HECTD2: variants seen among roughly 807,000 people sequenced by gnomAD.
The protein encoded by HECTD2 is HECT domain E3 ubiquitin protein ligase 2.
A neutral mutation model predicts 103.2 loss-of-function variants in HECTD2; 35 were observed. The observed-to-expected ratio is 0.34, with a 90% CI of 0.26 to 0.45. The LOEUF (loss-of-function observed/expected upper bound fraction) is 0.45. Among genes scored for constraint, HECTD2 ranks in the 20% least tolerant of loss-of-function variants. HECTD2 has a pLI of 1.00. For missense variants in HECTD2, 596 were observed against 937.4 expected (o/e 0.64, Z 4.76); for synonymous variants, 281 against 329.9 (o/e 0.85, Z 1.61).
intron 6 of HECTD2, 148 bp from the exon 7 acceptor site, chr10:91,480,946 T>C (rs947297637): frequency 1.6e-5 from 9 of 548,448 alleles, no homozygotes; most frequent in African/African-American, 6.1e-5. Context: ...TTCAGCATAT[T>C]ATGGACTGTC....
intron 12 of HECTD2, 52 bp downstream of exon 12, chr10:91,491,359 G>A: frequency 3.6e-6 from 3 of 830,174 alleles, no homozygotes; most frequent in Admixed American, 2.6e-5. Context: ...TCTATAATAT[G>A]ATTATTATAA....
intron 6 of HECTD2, among the ~76,000 whole-genome samples, chr10:91,480,018 T>C (rs1181158004): frequency 6.6e-6 from 1 of 152,148 alleles, no homozygotes; most frequent in Non-Finnish European, 1.5e-5. Flanking sequence ...TGTAAGAAAA[T>C]TGACCTTTTT....
intron 1 of HECTD2, among the ~76,000 whole-genome samples, chr10:91,422,523 T>A (rs1049703886): frequency 7.9e-5 from 12 of 152,164 alleles, no homozygotes; most frequent in Non-Finnish European, 1.6e-4. Context: ...CAACAAAATA[T>A]ACAAGTAAGC....
In HECTD2 at chr10:91,410,486, G is replaced by T. The variant is rs1417066600; in HGVS notation, c.48G>T (p.Val16=). 6.8e-7 allele frequency: 1 copy of T among 1,468,502 alleles called. No homozygotes were observed. Among genetic ancestry groups the T allele is most frequent in the South Asian group, 1.3e-5 (1 of 77,164 alleles). The allele number at this position is 1,468,502 out of a possible 1,614,324, so 91.0% of individuals were successfully genotyped here. The part of the protein sequence containing the change: ...RVPSPATPLV[V]AAPAPEERKG... ...CCTCGCCCGCCACTCCGCTGGTGGTGGCGGCGCCCGCGCCTGAGGAGAGGA... is the reference window on the plus strand; with the variant it reads ...CCTCGCCCGCCACTCCGCTGGTGGTTGCGGCGCCCGCGCCTGAGGAGAGGA... The change falls in exon 1 of 21, where the codon GTG becomes GTT. Residue 16 remains valine, a synonymous_variant. Transcript: ENST00000298068.
At chr10:91,459,233 CTG>C (rs1845239198) in intron 2 of HECTD2, among the ~76,000 whole-genome samples, 1 of 151,968 alleles carries the variant, frequency 6.6e-6, no homozygotes, top group Non-Finnish European at 1.5e-5. Context: ...TGTAGAGAAA[CTG>C]GATCACTAAT....
intron 2 of HECTD2, among the ~76,000 whole-genome samples, chr10:91,454,599 T>A (rs1844987782): frequency 1.3e-5 from 2 of 152,082 alleles, no homozygotes; most frequent in South Asian, 4.2e-4. Context: ...CTTTAAGTTC[T>A]AGGGTACATG....
chr10:91,473,988 G>A (rs948660865), intron 5 of HECTD2, among the ~76,000 whole-genome samples: 1 of 152,060 alleles, frequency 6.6e-6, no homozygotes, highest in Admixed American at 6.5e-5. Flanking sequence ...TAAAATTGAT[G>A]TCTAATGTGT....
chr10:91,409,856 A>AC (rs1429579776), upstream of HECTD2, among the ~76,000 whole-genome samples: 1 of 151,994 alleles, frequency 6.6e-6, no homozygotes, highest in Non-Finnish European at 1.5e-5. Flanking sequence ...ACCAGCCCAG[A>AC]CCCCGAGGGC....
chr10:91,494,358 G>T (rs1846587942), intron 14 of HECTD2, among the ~76,000 whole-genome samples: 1 of 151,998 alleles, frequency 6.6e-6, no homozygotes, highest in African/African-American at 2.4e-5. Flanking sequence ...TATATGGCTG[G>T]TGAGAGTGGT....
At chr10:91,468,265 A>C (rs1845602444) in intron 5 of HECTD2, among the ~76,000 whole-genome samples, 1 of 152,160 alleles carries the variant, frequency 6.6e-6, no homozygotes, top group Non-Finnish European at 1.5e-5. Context: ...CACCCCCCAG[A>C]GTTAGAGCAT....
intron 2 of HECTD2, among the ~76,000 whole-genome samples, chr10:91,459,751 C>A (rs1845264152): frequency 6.6e-6 from 1 of 152,058 alleles, no homozygotes; most frequent in African/African-American, 2.4e-5. Flanking sequence ...TGACAGTAGT[C>A]CCCTAGATTA....
chr10:91,427,201 T>C (rs1194427854), intron 2 of HECTD2, among the ~76,000 whole-genome samples: 3 of 151,840 alleles, frequency 2.0e-5, no homozygotes, highest in Non-Finnish European at 4.4e-5. Context: ...TATGGCTGCA[T>C]AGTATTCCAC....
chr10:91,413,013 G>A (rs1842986397), intron 1 of HECTD2, among the ~76,000 whole-genome samples: 1 of 152,036 alleles, frequency 6.6e-6, no homozygotes, highest in Non-Finnish European at 1.5e-5. Context: ...CTTTTTCTTT[G>A]AGACATTCCA....
intron 2 of HECTD2, among the ~76,000 whole-genome samples, chr10:91,428,919 A>C (rs558423960): frequency 6.6e-5 from 10 of 151,940 alleles, no homozygotes; most frequent in Admixed American, 3.3e-4. Context: ...ACTATGTTGA[A>C]TCGGAGTGGT....
chr10:91,480,515 G>C (rs554938019), intron 6 of HECTD2, among the ~76,000 whole-genome samples: 1 of 152,140 alleles, frequency 6.6e-6, no homozygotes, highest in African/African-American at 2.4e-5. Flanking sequence ...GTACCAAATA[G>C]ATCTTGAGCA....
At chr10:91,478,715 A>G (rs1241309742) in intron 6 of HECTD2, among the ~76,000 whole-genome samples, 1 of 152,058 alleles carries the variant, frequency 6.6e-6, no homozygotes, top group African/African-American at 2.4e-5. Flanking sequence ...TTCTTATATA[A>G]GGAATCATGG....
chr10:91,477,038 G>T (rs1034437007), intron 5 of HECTD2, among the ~76,000 whole-genome samples: 1 of 152,054 alleles, frequency 6.6e-6, no homozygotes, highest in Non-Finnish European at 1.5e-5. Flanking sequence ...AAAATTAGCC[G>T]GGCGCGGTGG....
In HECTD2 at chr10:91,512,697, CA is replaced by C. The variant is rs3834408; in HGVS notation, c.*314del. On this transcript the variant is annotated 3_prime_UTR_variant, in exon 21 of 21. Coordinates refer to ENST00000298068, the MANE Select transcript of HECTD2 (RefSeq NM_182765.6). ...GGCATTCCACTGGGAAAGCAAAGTA[CA>C]GTGAAGAATGAATTTATGGTATAGT... 15,577 of 257,510 alleles carry C rather than the reference CA, an allele frequency of 0.06. 979 individuals are homozygous for C. The highest frequency in any genetic ancestry group is 0.19 in the African/African-American group (8,500 of 45,750). The allele number at this position is 257,510 out of a possible 1,614,324, so 16.0% of individuals were successfully genotyped here. A position where few individuals can be genotyped will look rare whatever the true frequency, so the allele number is the denominator to read the frequency against.
chr10:91,453,328 G>A (rs922454002), intron 2 of HECTD2, among the ~76,000 whole-genome samples: 1 of 152,084 alleles, frequency 6.6e-6, no homozygotes, highest in Non-Finnish European at 1.5e-5. Context: ...CTACTCAGGA[G>A]GCTGACATGG....
Sources: gnomAD v4.1 joint callset for allele counts (sites outside exome capture counted in the v4.1 genomes callset) on GRCh38, gnomAD v4.1.1 for gene constraint, MANE v1.5 for transcripts, NCBI Gene and HGNC (gene_info 2026-07-23, HGNC 2026-07-21) for gene names.